The following IQSEC1 variants were observed in gnomAD, a reference collection of about 807,000 sequenced individuals.
IQSEC1 encodes the protein IQ motif and Sec7 domain ArfGEF 1, also known as IQ motif and SEC7 domain-containing protein 1.
In IQSEC1, 31 loss-of-function variants were observed where a neutral mutation model predicts 91.0. The observed-to-expected ratio is 0.34, with a 90% CI of 0.26 to 0.46. IQSEC1 has a LOEUF of 0.46. Among genes scored for constraint, IQSEC1 ranks in the 20% least tolerant of loss-of-function variants. The probability of loss-of-function intolerance (pLI) is 1.00; values close to 1 mark genes in which losing one functional copy is unlikely to be tolerated. For missense variants in IQSEC1, 1,388 were observed against 1,575.6 expected, an observed-to-expected ratio of 0.88 and a Z score of 2.02; for synonymous variants, 699 against 662.6, an observed-to-expected ratio of 1.05 and a Z score of -0.84.
At chr3:13,054,253 T>A (rs1394348703) in intron 1 of IQSEC1, among the ~76,000 whole-genome samples, 3 of 152,196 alleles carry the variant, frequency 2.0e-5, no homozygotes, top group Non-Finnish European at 2.9e-5. Context: ...ACAGGAGGGA[T>A]GTTTTTTGGG....
intron 1 of IQSEC1, among the ~76,000 whole-genome samples, chr3:12,956,280 C>T (rs1171410790): frequency 6.6e-6 from 1 of 152,146 alleles, no homozygotes; most frequent in African/African-American, 2.4e-5. Context: ...AAATTCAAGG[C>T]CCAACGCAAA....
At chr3:13,076,789 A>T (rs1172775382), upstream of IQSEC1, among the ~76,000 whole-genome samples, 1 of 152,194 alleles carries the variant, frequency 6.6e-6, no homozygotes, top group Non-Finnish European at 1.5e-5. Context: ...ATGAAATCCT[A>T]ACTGCACAAA....
intron 2 of IQSEC1, among the ~76,000 whole-genome samples, chr3:13,113,566 G>A (rs1200367854): frequency 1.5e-5 from 2 of 133,008 alleles, no homozygotes; most frequent in African/African-American, 5.9e-5. Flanking sequence ...ACTGCCCTGG[G>A]CATAGGGAGG....
intron 2 of IQSEC1, among the ~76,000 whole-genome samples, chr3:13,159,170 C>G (rs998292765): frequency 1.3e-5 from 2 of 152,148 alleles, no homozygotes; most frequent in African/African-American, 2.4e-5. Context: ...GTGACTCACC[C>G]TGTAATCCCA....
chr3:13,250,420 CTT>C (rs1227236271), intron 1 of IQSEC1, among the ~76,000 whole-genome samples: 22 of 135,546 alleles, frequency 1.6e-4, no homozygotes, highest in East Asian at 2.1e-4. Context: ...CCCCACTTTC[CTT>C]TTTTTTTTTT....
Position 13,124,134 on chromosome 3 carries a change from C to T in IQSEC1, c.302+39970G>A, listed in dbSNP as rs147856727. ...CAGAAAAGACTTCCATCAGGGTATA[C>T]GGGTTCGTCTGCAACTGGCTGTGAG... On this transcript the variant is annotated intron_variant, in intron 2 of 15. Transcript: ENST00000648114. 2.1e-3 allele frequency among the ~76,000 whole-genome samples: 324 copies of T among 152,298 alleles called. 3 individuals carry two copies. The highest frequency in any genetic ancestry group is 5.1e-3 in the Admixed American group (78 of 15,300).
chr3:13,227,891 G>A lies in IQSEC1; in HGVS notation c.272+54820C>T, dbSNP rs150066573. The stretch of plus-strand genomic sequence containing the variant: ...GGCAGGCTAAGCCCACACGGATGCC[G>A]AGGCCTGAGGCTGGATCCTCAGCCT... On this transcript the variant is annotated intron_variant, in intron 1 of 15. Coordinates refer to the IQSEC1 transcript ENST00000648114. 1.8e-3 allele frequency among the ~76,000 whole-genome samples: 281 copies of A among 152,266 alleles called. 2 individuals are homozygous for A. The highest frequency in any genetic ancestry group is 3.4e-3 in the African/African-American group (141 of 41,550).
chr3:12,927,612 T>A (rs1697274863), intron 3 of IQSEC1, among the ~76,000 whole-genome samples: 1 of 152,172 alleles, frequency 6.6e-6, no homozygotes, highest in Non-Finnish European at 1.5e-5. Context: ...AGGACAAGGC[T>A]CCTCGGCCCT....
At chr3:13,205,487 C>T (rs1042654465) in intron 1 of IQSEC1, among the ~76,000 whole-genome samples, 1 of 151,980 alleles carries the variant, frequency 6.6e-6, no homozygotes, top group African/African-American at 2.4e-5. Flanking sequence ...ATCTACCTGC[C>T]CATCTACCTA....
chr3:13,201,498 T>TTTTA (rs1397191014), intron 1 of IQSEC1, among the ~76,000 whole-genome samples: 105 of 152,178 alleles, frequency 6.9e-4, no homozygotes, highest in South Asian at 2.9e-3. Flanking sequence ...GCCCAGCTAA[T>TTTTA]TTTATTTATT....
chr3:13,050,060 AC>A (rs564144993), intron 1 of IQSEC1, among the ~76,000 whole-genome samples: 48 of 45,344 alleles, frequency 1.1e-3, no homozygotes, highest in South Asian at 2.2e-3. Flanking sequence ...CTGCACCCCC[AC>A]CCCCCGCCCC....
intron 1 of IQSEC1, among the ~76,000 whole-genome samples, chr3:13,253,960 G>A (rs1438467585): frequency 6.6e-6 from 1 of 152,184 alleles, no homozygotes; most frequent in Non-Finnish European, 1.5e-5. Flanking sequence ...AGCTGCACAT[G>A]CCTGACTGGG....
chr3:13,106,380 G>A (rs998874027), intron 2 of IQSEC1, among the ~76,000 whole-genome samples: 3 of 152,112 alleles, frequency 2.0e-5, no homozygotes, highest in South Asian at 4.1e-4. Context: ...TCTTATTTGG[G>A]GACTCAGCTT....
At chr3:13,067,837 T>C (rs568078386) in intron 1 of IQSEC1, among the ~76,000 whole-genome samples, 2 of 152,344 alleles carry the variant, frequency 1.3e-5, no homozygotes, top group South Asian at 4.1e-4. Flanking sequence ...ACTTTTGTTG[T>C]TATTCTTAAA....
chr3:13,012,963 G>GTTTTTTTTTTT (rs1269672691), intron 1 of IQSEC1, among the ~76,000 whole-genome samples: 2 of 40,948 alleles, frequency 4.9e-5, no homozygotes, highest in African/African-American at 1.9e-4. Flanking sequence ...GAAAGTCTGG[G>GTTTTTTTTTTT]CTTTTTTTTT....
At chr3:12,955,371 G>T (rs1699837047) in intron 1 of IQSEC1, among the ~76,000 whole-genome samples, 1 of 152,238 alleles carries the variant, frequency 6.6e-6, no homozygotes, top group Admixed American at 6.5e-5. Flanking sequence ...CAGAAAGGAA[G>T]CAGGGGGCAG....
At chr3:13,275,804 C>T (rs1695667809) in intron 1 of IQSEC1, among the ~76,000 whole-genome samples, 1 of 152,192 alleles carries the variant, frequency 6.6e-6, no homozygotes, top group Non-Finnish European at 1.5e-5. Context: ...ACAAGCAGCC[C>T]AGGAAGGGGT....
chr3:13,068,029 AG>A (rs1345410234), intron 1 of IQSEC1, among the ~76,000 whole-genome samples: 4 of 152,222 alleles, frequency 2.6e-5, no homozygotes, highest in Non-Finnish European at 4.4e-5. Flanking sequence ...AAACCCTGGA[AG>A]GGGAGTATCA....
At chr3:12,926,081 C>G (rs531982614) in intron 3 of IQSEC1, among the ~76,000 whole-genome samples, 1 of 152,254 alleles carries the variant, frequency 6.6e-6, no homozygotes, top group Non-Finnish European at 1.5e-5. Context: ...GAAGCTGAGG[C>G]AGGTGGATCA....
Sources: allele counts gnomAD v4.1 joint callset (sites outside exome capture counted in the v4.1 genomes callset), GRCh38; gene constraint gnomAD v4.1.1; transcripts MANE v1.5; gene names NCBI Gene and HGNC (gene_info 2026-07-23, HGNC 2026-07-21).